TMEFF2: variants seen among roughly 807,000 people sequenced by gnomAD.
TMEFF2 encodes the protein transmembrane protein with EGF like and two follistatin like domains 2.
In TMEFF2, 28 loss-of-function variants were observed where a neutral mutation model predicts 53.8. That is an observed-to-expected ratio of 0.52 (90% confidence interval 0.39 to 0.71). The LOEUF (loss-of-function observed/expected upper bound fraction) is 0.71. Ranked by LOEUF, TMEFF2 falls within the 30% of genes least tolerant of loss-of-function variation. The pLI, the probability that TMEFF2 is intolerant of heterozygous loss-of-function variation, is 0.00. For missense variants in TMEFF2, 353 were observed against 455.2 expected, an observed-to-expected ratio of 0.78 and a Z score of 2.04; for synonymous variants, 162 against 166.3, an observed-to-expected ratio of 0.97 and a Z score of 0.20.
At chr2:192,075,312 T>TATATATATATATATATATATAA (rs1688400131) in intron 4 of TMEFF2, among the ~76,000 whole-genome samples, 1 of 105,778 alleles carries the variant, frequency 9.5e-6, no homozygotes, top group Admixed American at 9.7e-5. Context: ...TATATATATA[T>TATATATATATATATATATATAA]ATATATATAT....
chr2:192,114,105 T>TGTGTGA (rs1033358938), intron 4 of TMEFF2, among the ~76,000 whole-genome samples: 1 of 137,612 alleles, frequency 7.3e-6, no homozygotes, highest in African/African-American at 2.6e-5. Context: ...TGTGTGTGTG[T>TGTGTGA]GTGATAGCCC....
At chr2:192,139,439 G>A (rs1051705437) in intron 4 of TMEFF2, among the ~76,000 whole-genome samples, 1 of 152,130 alleles carries the variant, frequency 6.6e-6, no homozygotes, top group Non-Finnish European at 1.5e-5. Context: ...GATTATGAGA[G>A]CATTTTGTCT....
intron 4 of TMEFF2, among the ~76,000 whole-genome samples, chr2:192,145,392 T>C (rs1353685896): frequency 6.6e-6 from 1 of 151,970 alleles, no homozygotes; most frequent in Non-Finnish European, 1.5e-5. Context: ...GACAGCAATA[T>C]AGAAGTATAT....
intron 5 of TMEFF2, among the ~76,000 whole-genome samples, chr2:192,013,755 C>T (rs939758277): frequency 1.3e-5 from 2 of 152,108 alleles, no homozygotes; most frequent in African/African-American, 4.8e-5. Context: ...CTGGCCCATA[C>T]TTGATTTTTT....
At chr2:191,983,717 G>GAAC (rs2105817856) in intron 7 of TMEFF2, among the ~76,000 whole-genome samples, 1 of 152,236 alleles carries the variant, frequency 6.6e-6, no homozygotes, top group African/African-American at 2.4e-5. Context: ...GGATACATCT[G>GAAC]AACACATACA....
chr2:192,015,885 C>A (rs1241383200), intron 5 of TMEFF2, among the ~76,000 whole-genome samples: 1 of 152,138 alleles, frequency 6.6e-6, no homozygotes, highest in Non-Finnish European at 1.5e-5. Context: ...TGTCATAGTT[C>A]AAGCAATCAC....
intron 5 of TMEFF2, chr2:192,036,989 C>T (rs1687309851): frequency 6.6e-6 from 1 of 152,018 alleles, no homozygotes; most frequent in Non-Finnish European, 1.5e-5. Context: ...ATTGTCTATT[C>T]CATCTCACCC....
chr2:192,174,015 A>G (rs1247985034), intron 4 of TMEFF2, among the ~76,000 whole-genome samples: 2 of 151,802 alleles, frequency 1.3e-5, no homozygotes, highest in Non-Finnish European at 2.9e-5. Flanking sequence ...CTATAGATAC[A>G]TATTACTGTT....
chr2:192,158,274 C>T (rs1368664253), intron 4 of TMEFF2, among the ~76,000 whole-genome samples: 1 of 151,904 alleles, frequency 6.6e-6, no homozygotes, highest in African/African-American at 2.4e-5. Context: ...TCATAGAGGA[C>T]CAAATTTAAA....
At chr2:192,065,230 G>T (rs1688139581) in intron 4 of TMEFF2, among the ~76,000 whole-genome samples, 1 of 151,656 alleles carries the variant, frequency 6.6e-6, no homozygotes, top group Non-Finnish European at 1.5e-5. Flanking sequence ...CCTACTTTAT[G>T]CATGGTTCAA....
chr2:192,081,022 G>A (rs1574355168), intron 4 of TMEFF2, among the ~76,000 whole-genome samples: 1 of 152,228 alleles, frequency 6.6e-6, no homozygotes, highest in South Asian at 2.1e-4. Flanking sequence ...AGATGGTATA[G>A]AAATGTTACA....
intron 4 of TMEFF2, among the ~76,000 whole-genome samples, chr2:192,150,680 C>T (rs1690362767): frequency 7.4e-6 from 1 of 135,950 alleles, no homozygotes; most frequent in South Asian, 2.4e-4. Context: ...TAGGTCCAAG[C>T]AGAGGACACT....
At chr2:192,023,915 T>C (rs763249776) in intron 5 of TMEFF2, among the ~76,000 whole-genome samples, 40 of 152,264 alleles carry the variant, frequency 2.6e-4, no homozygotes, top group Non-Finnish European at 4.9e-4. Context: ...TTCAAAGTGA[T>C]TAAAAGGCAT....
chr2:192,148,817 A>G (rs1446405479), intron 4 of TMEFF2, among the ~76,000 whole-genome samples: 1 of 152,076 alleles, frequency 6.6e-6, no homozygotes, highest in Non-Finnish European at 1.5e-5. Context: ...CATTTTTGGC[A>G]TAACTAGTTG....
At chr2:192,088,102 T>C (rs1202891424) in intron 4 of TMEFF2, among the ~76,000 whole-genome samples, 1 of 152,124 alleles carries the variant, frequency 6.6e-6, no homozygotes, top group Admixed American at 6.6e-5. Context: ...AACTCAACAG[T>C]GAGAAAACAG....
chr2:191,950,424 T>C lies in TMEFF2; in HGVS notation c.1029-17A>G. On this transcript the variant is annotated splice_polypyrimidine_tract_variant and intron_variant, in intron 9 of 9. Transcript: ENST00000272771. ...GGGCATTTCCTGGAAGGTTGGAAAGTTTACAAATCTCAGTCCAATGCTATT... is the reference window on the plus strand; with the variant it reads ...GGGCATTTCCTGGAAGGTTGGAAAGCTTACAAATCTCAGTCCAATGCTATT... 1 of 1,614,020 alleles carries C rather than the reference T, an allele frequency of 6.2e-7. No individual in the cohort carries two copies. Among genetic ancestry groups the C allele is most frequent in the Non-Finnish European group, 8.5e-7 (1 of 1,179,934 alleles).
In TMEFF2 at chr2:191,949,205, C is replaced by T; in HGVS notation, c.*1106G>A. On this transcript the variant is annotated 3_prime_UTR_variant, in exon 10 of 10. Transcript: ENST00000272771. ...AAGTTGTGATACCTATTTGTATGCA[C>T]AAATCAAACAAAAATCCATACCAAC... The T allele has an allele frequency of 6.1e-6, 6 of 985,286 alleles. No homozygotes were observed. Among genetic ancestry groups the T allele is most frequent in the Non-Finnish European group, 7.2e-6 (6 of 829,878 alleles). 61.0% of individuals were successfully genotyped at this position (985,286 alleles called of 1,614,324 possible).
In TMEFF2 at chr2:192,191,989, C is replaced by A. The variant is rs1450624962; in HGVS notation, c.173G>T (p.Gly58Val). The A allele has an allele frequency of 6.2e-7, 1 of 1,602,056 alleles. No individual in the cohort carries two copies. Reference protein sequence around the residue: ...CQTPTGWNCSGYDDRENDLFL... With the variant: ...CQTPTGWNCSVYDDRENDLFL... Reference sequence around the variant, plus strand: ...GAGATCATTTTCTCTGTCATCATAACCTCAAATTCAAAGAGAACACTCCAG... The same window carrying A: ...GAGATCATTTTCTCTGTCATCATAAACTCAAATTCAAAGAGAACACTCCAG... Residue 58 changes from glycine (G) to valine (V), a missense_variant and splice_region_variant, in exon 2 of 10, where the codon GGT (glycine) becomes GTT (valine). Physicochemically the swap from Gly to Val is moderately radical, Grantham distance 109 (BLOSUM62 -3). Transcript: ENST00000272771.
intron 2 of TMEFF2, among the ~76,000 whole-genome samples, chr2:192,184,705 T>C (rs1691269785): frequency 6.6e-6 from 1 of 152,048 alleles, no homozygotes; most frequent in African/African-American, 2.4e-5. Context: ...AAAATAAGCA[T>C]CTAAATTGAT....
Sources: allele counts gnomAD v4.1 joint callset (sites outside exome capture counted in the v4.1 genomes callset), GRCh38; gene constraint gnomAD v4.1.1; transcripts MANE v1.5; gene names NCBI Gene and HGNC (gene_info 2026-07-23, HGNC 2026-07-21).